Variants in CNTN5 observed in about 807,000 individuals in gnomAD.
The protein encoded by CNTN5 is contactin 5.
In CNTN5, 77 loss-of-function variants were observed where a neutral mutation model predicts 129.1. That is an observed-to-expected ratio of 0.60 (90% CI 0.50 to 0.72). The LOEUF is 0.72. Among genes scored for constraint, CNTN5 ranks in the 30% least tolerant of loss-of-function variants. The pLI, the probability that CNTN5 is intolerant of heterozygous loss-of-function variation, is 0.00. For missense variants in CNTN5, 1,478 were observed against 1,328.8 expected (o/e 1.11, Z -1.75); for synonymous variants, 509 against 465.6 (o/e 1.09, Z -1.20).
intron 6 of CNTN5, among the ~76,000 whole-genome samples, chr11:99,871,038 A>G (rs1948491697): frequency 6.6e-6 from 1 of 152,110 alleles, no homozygotes; most frequent in Middle Eastern, 3.2e-3. Flanking sequence ...TGCCTAATTT[A>G]TTTGTAAGTA....
intron 7 of CNTN5, among the ~76,000 whole-genome samples, chr11:99,952,833 T>C (rs1950709154): frequency 6.6e-6 from 1 of 152,212 alleles, no homozygotes; most frequent in Non-Finnish European, 1.5e-5. Flanking sequence ...AATCTTACCA[T>C]AAAGTTGAGC....
rs568595165 is a variant in CNTN5, at chr11:99,543,478, A to G, written c.-70-12667A>G. Among the ~76,000 whole-genome samples, 11 of 152,322 alleles carry G rather than the reference A, an allele frequency of 7.2e-5. No individual in the cohort carries two copies. In the South Asian group the frequency reaches 2.3e-3, roughly 32 times the overall value. On this transcript the variant is annotated intron_variant, in intron 2 of 24. Transcript: ENST00000524871. ...CTGATATCAAATTCAGTTAGGCCAT[A>G]ACTCTGCTAGACTTACTTTCTTAAT...
intron 7 of CNTN5, among the ~76,000 whole-genome samples, chr11:99,917,791 G>A (rs764962229): frequency 1.2e-4 from 19 of 152,070 alleles, no homozygotes; most frequent in Non-Finnish European, 2.6e-4. Flanking sequence ...GATTTCTGGT[G>A]GGAGAATATA....
chr11:99,046,067 G>A (rs1229833595), intron 1 of CNTN5, among the ~76,000 whole-genome samples: 5 of 152,260 alleles, frequency 3.3e-5, no homozygotes, highest in South Asian at 2.1e-4. Context: ...GACCTGGTGC[G>A]GTGGCTCACG....
chr11:99,766,487 C>A (rs938245336), intron 3 of CNTN5, among the ~76,000 whole-genome samples: 14 of 152,012 alleles, frequency 9.2e-5, no homozygotes, highest in African/African-American at 3.4e-4. Flanking sequence ...ATTTTATGTT[C>A]CTCTTTCTTA....
At chr11:99,702,750 G>C (rs1218537567) in intron 3 of CNTN5, among the ~76,000 whole-genome samples, 1 of 150,896 alleles carries the variant, frequency 6.6e-6, no homozygotes, top group African/African-American at 2.4e-5. Context: ...TAGCATTTGA[G>C]TTAATTCAGG....
intron 3 of CNTN5, among the ~76,000 whole-genome samples, chr11:99,559,253 G>A (rs1004725675): frequency 6.6e-6 from 1 of 152,044 alleles, no homozygotes; most frequent in Admixed American, 6.6e-5. Context: ...ATTTTACGTT[G>A]TTGGTGCTGT....
intron 3 of CNTN5, among the ~76,000 whole-genome samples, chr11:99,810,391 G>A (rs1048289089): frequency 1.4e-4 from 22 of 152,144 alleles, no homozygotes; most frequent in African/African-American, 5.1e-4. Context: ...ATGCAGTGCC[G>A]TTAACTTTTT....
chr11:99,083,449 A>G (rs975611354), intron 1 of CNTN5, among the ~76,000 whole-genome samples: 6 of 152,196 alleles, frequency 3.9e-5, no homozygotes, highest in Non-Finnish European at 8.8e-5. Context: ...ATACATTAGC[A>G]TATTCCTTCT....
chr11:99,516,019 C>T (rs1203653692), intron 2 of CNTN5, among the ~76,000 whole-genome samples: 1 of 150,308 alleles, frequency 6.7e-6, no homozygotes, highest in African/African-American at 2.4e-5. Context: ...CTAGGTTTTT[C>T]TGACCGCTTA....
intron 4 of CNTN5, among the ~76,000 whole-genome samples, chr11:99,833,478 A>G (rs1308344490): frequency 2.0e-5 from 3 of 152,202 alleles, no homozygotes; most frequent in Non-Finnish European, 4.4e-5. Flanking sequence ...TGATAAAACT[A>G]TATTATAAAA....
intron 13 of CNTN5, among the ~76,000 whole-genome samples, chr11:100,162,195 A>G (rs2138367187): frequency 6.6e-6 from 1 of 151,996 alleles, no homozygotes; most frequent in African/African-American, 2.4e-5. Flanking sequence ...GGTTGTCATG[A>G]GCATTAAATG....
intron 1 of CNTN5, among the ~76,000 whole-genome samples, chr11:99,118,357 G>C (rs1555049009): frequency 6.6e-6 from 1 of 151,926 alleles, no homozygotes; most frequent in Non-Finnish European, 1.5e-5. Flanking sequence ...TATCTACTTA[G>C]TATTTGGATA....
intron 1 of CNTN5, among the ~76,000 whole-genome samples, chr11:99,263,992 C>T (rs912597501): frequency 6.6e-5 from 10 of 151,966 alleles, no homozygotes; most frequent in Non-Finnish European, 1.2e-4. Context: ...ATGCTGTTTA[C>T]AGTTCTGGCT....
intron 1 of CNTN5, among the ~76,000 whole-genome samples, chr11:99,038,362 C>A (rs1863845043): frequency 6.6e-6 from 1 of 152,064 alleles, no homozygotes; most frequent in African/African-American, 2.4e-5. Context: ...GTTACATATA[C>A]TGTAGAGTGA....
At chr11:100,346,165 T>C (rs568747175) in intron 23 of CNTN5, among the ~76,000 whole-genome samples, 1 of 152,236 alleles carries the variant, frequency 6.6e-6, no homozygotes, top group East Asian at 1.9e-4. Context: ...GACTTATTTT[T>C]TCAAATAAAT....
chr11:99,068,274 G>A lies in CNTN5; in HGVS notation c.-210+47004G>A, dbSNP rs150213519. On this transcript the variant is annotated intron_variant, in intron 1 of 24. Transcript: ENST00000524871. ...AAACAAAGACAAGTAATCAACAATT[G>A]CAATTATAATGTGATACATTCTCTG... Among the ~76,000 whole-genome samples the A allele has an allele frequency of 1.4e-4, 22 of 152,258 alleles. No individual in the cohort carries two copies. The East Asian group carries it at 4.1e-3, about 28-fold the overall frequency.
intron 1 of CNTN5, among the ~76,000 whole-genome samples, chr11:99,128,088 G>C (rs1858735606): frequency 6.6e-6 from 1 of 152,136 alleles, no homozygotes; most frequent in Non-Finnish European, 1.5e-5. Flanking sequence ...ATAAACAGGA[G>C]AACTGTCCAC....
At chr11:99,512,185 A>G (rs1418622061) in intron 2 of CNTN5, among the ~76,000 whole-genome samples, 3 of 152,132 alleles carry the variant, frequency 2.0e-5, no homozygotes, top group Non-Finnish European at 4.4e-5. Context: ...CTAGACAGGT[A>G]TAGCATTTTT....
Sources: allele counts gnomAD v4.1 joint callset (sites outside exome capture counted in the v4.1 genomes callset), GRCh38; gene constraint gnomAD v4.1.1; transcripts MANE v1.5; gene names NCBI Gene and HGNC (gene_info 2026-07-23, HGNC 2026-07-21).